ZBED6: variants seen among roughly 807,000 people sequenced by gnomAD.
ZBED6 encodes zinc finger BED domain-containing protein 6.
ZBED6 carries 40 observed loss-of-function variants against 58.4 expected under a neutral mutation model. The ratio of observed to expected loss-of-function variants is 0.68; its 90% CI spans 0.53 to 0.89. ZBED6 has a LOEUF of 0.89. Ranked by LOEUF, ZBED6 falls within the 40% of genes least tolerant of loss-of-function variation. ZBED6 has a pLI of 0.00. For synonymous variants in ZBED6, 439 were observed against 350.6 expected (o/e 1.25, Z -2.82); for missense variants, 1,057 against 1,003.9 (o/e 1.05, Z -0.71).
intron 14 of ZBED6, 175 bp from the exon 15 acceptor site, chr1:203,850,340 C>A: frequency 1.1e-6 from 1 of 890,038 alleles, no homozygotes. Context: ...TGGTGACCAC[C>A]TGTAGTGACC....
At chr1:203,806,656 G>A (rs1409166083) in intron 1 of ZBED6, among the ~76,000 whole-genome samples, 1 of 152,124 alleles carries the variant, frequency 6.6e-6, no homozygotes, top group African/African-American at 2.4e-5. Context: ...AGTGTTGAAA[G>A]ATGGTGAAGA....
At chr1:203,834,364 T>G (rs927512196) in intron 9 of ZBED6, among the ~76,000 whole-genome samples, 1 of 152,168 alleles carries the variant, frequency 6.6e-6, no homozygotes, top group Admixed American at 6.6e-5. Context: ...CTCCACCTCC[T>G]GGACTCAAGT....
At chr1:203,815,525 A>G (rs1236619504) in intron 1 of ZBED6, among the ~76,000 whole-genome samples, 1 of 151,812 alleles carries the variant, frequency 6.6e-6, no homozygotes, top group Non-Finnish European at 1.5e-5. Context: ...GGCCTATTTC[A>G]TTATTAAAAC....
At chr1:203,797,687 G>A in exon 1 of ZBED6, 1 of 1,535,702 alleles carries the variant, frequency 6.5e-7, no homozygotes, top group Non-Finnish European at 8.7e-7. Context: ...TGAATAAAGA[G>A]GCAAAACAGC....
chr1:203,817,166 C>T, intron 2 of ZBED6, 42 bp downstream of exon 2: 1 of 1,514,610 alleles, frequency 6.6e-7, no homozygotes, highest in Non-Finnish European at 9.0e-7. Context: ...CTACAATTTG[C>T]TTAATAGAAT....
chr1:203,829,665 T>C lies in ZBED6; in HGVS notation c.*3201+11T>C. On this transcript the variant is annotated intron_variant, in intron 5 of 16. Transcript: ENST00000550078. ...ATGAAGATGATGATGGTAAGTTCTG[T>C]CTGGCTCCTTCTTTAAGGCAAATAA... The C allele has an allele frequency of 6.2e-7, 1 of 1,614,232 alleles. No homozygotes were observed. The highest frequency in any genetic ancestry group is 1.1e-5 in the South Asian group (1 of 91,084).
rs1170982555 is a variant in ZBED6 at position 203,818,284 on chromosome 1, T to TTC, written c.*2754-286_*2754-285insTC. ...TCAGTTTTGAAGATGAACTGTAAAA[T>TTC]ACATTTTTAAAGAGGACCTAACACT... On this transcript the variant is annotated intron_variant, in intron 2 of 16. Transcript: ENST00000550078. 2.0e-3 allele frequency among the ~76,000 whole-genome samples: 302 copies of TTC among 150,496 alleles called. 1 individual carries two copies. Among genetic ancestry groups the TTC allele is most frequent in the Non-Finnish European group, 3.6e-3 (243 of 66,626 alleles).
intron 1 of ZBED6, among the ~76,000 whole-genome samples, chr1:203,815,620 G>A (rs1238104512): frequency 6.6e-6 from 1 of 151,906 alleles, no homozygotes; most frequent in Non-Finnish European, 1.5e-5. Flanking sequence ...ATTGTCGAAG[G>A]GTATGTAAAC....
chr1:203,820,152 T>G (rs1227850828), intron 3 of ZBED6, among the ~76,000 whole-genome samples: 1 of 151,686 alleles, frequency 6.6e-6, no homozygotes, highest in Non-Finnish European at 1.5e-5. Context: ...GGAGAATCGC[T>G]TGAACCTGGG....
At chr1:203,817,710 C>T (rs1016237047) in intron 2 of ZBED6, among the ~76,000 whole-genome samples, 5 of 151,892 alleles carry the variant, frequency 3.3e-5, no homozygotes, top group Admixed American at 1.3e-4. Flanking sequence ...ATTCTATAAA[C>T]GTATATGTTA....
chr1:203,804,221 G>A (rs1471920548), intron 1 of ZBED6, among the ~76,000 whole-genome samples: 1 of 147,372 alleles, frequency 6.8e-6, no homozygotes, highest in African/African-American at 2.5e-5. Flanking sequence ...GCGTGATCTC[G>A]ATTCACTGCA....
exon 9 of ZBED6, chr1:203,833,851 C>G: frequency 6.2e-7 from 1 of 1,609,582 alleles, no homozygotes; most frequent in Non-Finnish European, 8.5e-7. Flanking sequence ...AAATTTTCAG[C>G]AGGTAAGATA....
At chr1:203,830,851 T>A (rs2103027106) in intron 7 of ZBED6, among the ~76,000 whole-genome samples, 1 of 151,068 alleles carries the variant, frequency 6.6e-6, no homozygotes, top group East Asian at 1.9e-4. Context: ...AGTAGAAGAG[T>A]TCTTCCTCAA....
At chr1:203,805,798 T>G (rs1197178489) in intron 1 of ZBED6, 2 of 761,984 alleles carry the variant, frequency 2.6e-6, no homozygotes, top group Non-Finnish European at 4.7e-6. Flanking sequence ...GTTGTCTTCA[T>G]CTAATTCTGG....
At chr1:203,840,463 G>A (rs1685752693) in intron 11 of ZBED6, 89 bp downstream of exon 11, 2 of 1,336,404 alleles carry the variant, frequency 1.5e-6, no homozygotes, top group Non-Finnish European at 2.1e-6. Context: ...TTGCTTGCTA[G>A]GGCTTTTGAT....
chr1:203,799,674 C>T, exon 1 of ZBED6: 1 of 706,810 alleles, frequency 1.4e-6, no homozygotes, highest in South Asian at 1.5e-5. Context: ...CCTAATCCAT[C>T]ATCTACTCCT....
At chr1:203,839,865 G>A (rs190060625) in intron 10 of ZBED6, among the ~76,000 whole-genome samples, 11 of 151,992 alleles carry the variant, frequency 7.2e-5, no homozygotes, top group African/African-American at 1.9e-4. Flanking sequence ...GTGCAGTAGC[G>A]CTATCTCAGC....
At chr1:203,812,034 C>G (rs957489645) in intron 1 of ZBED6, among the ~76,000 whole-genome samples, 1 of 152,000 alleles carries the variant, frequency 6.6e-6, no homozygotes, top group Non-Finnish European at 1.5e-5. Flanking sequence ...CCAGGCTGGT[C>G]TTGAACTACT....
At chr1:203,850,083 C>A in intron 14 of ZBED6, 57 bp downstream of exon 14, 1 of 1,522,000 alleles carries the variant, frequency 6.6e-7, no homozygotes, top group South Asian at 1.2e-5. Context: ...AAATTCAACC[C>A]AATTGTTGCC....
Sources: gnomAD v4.1 joint callset for allele counts (sites outside exome capture counted in the v4.1 genomes callset) on GRCh38, gnomAD v4.1.1 for gene constraint, MANE v1.5 for transcripts, NCBI Gene and HGNC (gene_info 2026-07-23, HGNC 2026-07-21) for gene names.